PLCB4: variants seen among roughly 807,000 people sequenced by gnomAD.
PLCB4 encodes the protein phospholipase C beta 4, also known as 1-phosphatidylinositol 4,5-bisphosphate phosphodiesterase beta-4.
A neutral mutation model predicts 178.8 loss-of-function variants in PLCB4; 77 were observed. The ratio of observed to expected loss-of-function variants is 0.43; its 90% CI spans 0.36 to 0.52. The LOEUF (loss-of-function observed/expected upper bound fraction) is 0.52, where lower values mean the gene tolerates loss of function less well. Among genes scored for constraint, PLCB4 ranks in the 20% least tolerant of loss-of-function variants. The probability of loss-of-function intolerance (pLI) is 0.00; values close to 1 mark genes in which losing one functional copy is unlikely to be tolerated. For synonymous variants in PLCB4, 496 were observed against 490.8 expected (o/e 1.01, Z -0.14); for missense variants, 1,024 against 1,453.4 (o/e 0.70, Z 4.80).
At chr20:9,337,756 C>T (rs1463064663) in intron 5 of PLCB4, among the ~76,000 whole-genome samples, 2 of 151,840 alleles carry the variant, frequency 1.3e-5, no homozygotes, top group Admixed American at 6.6e-5. Context: ...ATTTTAGAAA[C>T]ATTTTTATAT....
At chr20:9,232,773 G>A (rs1350985177) in intron 3 of PLCB4, among the ~76,000 whole-genome samples, 1 of 152,058 alleles carries the variant, frequency 6.6e-6, no homozygotes, top group Non-Finnish European at 1.5e-5. Context: ...GTAAATTTTT[G>A]TGTATGCTAT....
chr20:9,320,706 C>T (rs568005698), intron 4 of PLCB4, among the ~76,000 whole-genome samples: 1 of 152,300 alleles, frequency 6.6e-6, no homozygotes, highest in Non-Finnish European at 1.5e-5. Context: ...AATGGTTAAG[C>T]ATGTTGCTTG....
At chr20:9,133,668 T>C (rs2092323677) in intron 2 of PLCB4, among the ~76,000 whole-genome samples, 1 of 152,158 alleles carries the variant, frequency 6.6e-6, no homozygotes, top group Non-Finnish European at 1.5e-5. Context: ...AAAGAATGAA[T>C]GTTTGCGTGA....
chr20:9,339,120 T>A (rs2032874306), intron 7 of PLCB4, 83 bp downstream of exon 7: 3 of 996,360 alleles, frequency 3.0e-6, no homozygotes, highest in South Asian at 1.6e-5. Flanking sequence ...TATATTTTTA[T>A]ATACTTAAAT....
chr20:9,269,820 C>T (rs1465303913), intron 3 of PLCB4, among the ~76,000 whole-genome samples: 1 of 152,124 alleles, frequency 6.6e-6, no homozygotes, highest in Non-Finnish European at 1.5e-5. Context: ...CAAGAGCACA[C>T]CCACTGTTGC....
intron 2 of PLCB4, among the ~76,000 whole-genome samples, chr20:9,107,050 A>G (rs896597731): frequency 2.0e-5 from 3 of 152,200 alleles, no homozygotes; most frequent in South Asian, 4.1e-4. Context: ...AACCATCTCC[A>G]TATGACCATC....
At chr20:9,255,952 A>G (rs771429437) in intron 3 of PLCB4, among the ~76,000 whole-genome samples, 1 of 152,006 alleles carries the variant, frequency 6.6e-6, no homozygotes, top group African/African-American at 2.4e-5. Context: ...ATATACACAC[A>G]CCATATTACC....
At chr20:9,171,812 T>A (rs1482311987) in intron 2 of PLCB4, among the ~76,000 whole-genome samples, 2 of 152,154 alleles carry the variant, frequency 1.3e-5, no homozygotes, top group Non-Finnish European at 2.9e-5. Flanking sequence ...AAGTGGAGAA[T>A]TGTGGGAAAT....
chr20:9,411,187 A>G (rs1219433651), intron 25 of PLCB4, 99 bp downstream of exon 25: 1 of 816,276 alleles, frequency 1.2e-6, no homozygotes, highest in Non-Finnish European at 2.1e-6. Context: ...TACAGAATTT[A>G]AGCTGGGTTT....
chr20:9,284,453 C>T (rs1341172140), intron 3 of PLCB4, among the ~76,000 whole-genome samples: 1 of 151,790 alleles, frequency 6.6e-6, no homozygotes, highest in Non-Finnish European at 1.5e-5. Flanking sequence ...GGTCTTACAG[C>T]GTGTTGTATA....
At chr20:9,116,341 C>T (rs1010661745) in intron 2 of PLCB4, among the ~76,000 whole-genome samples, 2 of 151,848 alleles carry the variant, frequency 1.3e-5, no homozygotes, top group Non-Finnish European at 2.9e-5. Context: ...CTTATATGTA[C>T]GTATAAGATA....
intron 3 of PLCB4, among the ~76,000 whole-genome samples, chr20:9,255,840 A>C (rs1335093827): frequency 6.6e-6 from 1 of 152,104 alleles, no homozygotes; most frequent in Non-Finnish European, 1.5e-5. Flanking sequence ...TTGCAAAAAT[A>C]GGTGGCAGGC....
intron 7 of PLCB4, among the ~76,000 whole-genome samples, chr20:9,355,899 C>T (rs1239353478): frequency 6.6e-6 from 1 of 152,202 alleles, no homozygotes; most frequent in Non-Finnish European, 1.5e-5. Flanking sequence ...TTGAACTAGT[C>T]CACAGTCCCA....
At chr20:9,086,472 C>T (rs6118479) in intron 1 of PLCB4, among the ~76,000 whole-genome samples, 74,714 of 151,794 alleles carry the variant, frequency 0.49, 18,810 homozygotes, top group Middle Eastern at 0.57. Context: ...ACCTCGTCCT[C>T]CTTATCATCA....
chr20:9,203,141 G>C (rs2093571278), intron 2 of PLCB4, among the ~76,000 whole-genome samples: 1 of 150,698 alleles, frequency 6.6e-6, no homozygotes, highest in African/African-American at 2.4e-5. Context: ...AGGCATTTGG[G>C]GGTTCTTGTA....
At chr20:9,203,777 GTTTTTTTTTTTT>G (rs553691545) in intron 2 of PLCB4, among the ~76,000 whole-genome samples, 6,369 of 101,734 alleles carry the variant, frequency 0.063, 544 homozygotes, top group African/African-American at 0.2. Flanking sequence ...TGGGAATAGT[GTTTTTTTTTTTT>G]TTTTTTTTTT....
chr20:9,264,354 A>G (rs2094328001), intron 3 of PLCB4, among the ~76,000 whole-genome samples: 1 of 152,168 alleles, frequency 6.6e-6, no homozygotes, highest in African/African-American at 2.4e-5. Context: ...GAACGCTTTA[A>G]TTATTTAGTA....
chr20:9,146,522 A>G (rs1366008491), intron 2 of PLCB4, among the ~76,000 whole-genome samples: 3 of 151,972 alleles, frequency 2.0e-5, no homozygotes, highest in African/African-American at 7.3e-5. Flanking sequence ...GTAGATAGTA[A>G]TTCATGAATT....
At chr20:9,363,966 C>G (rs561663771) in intron 8 of PLCB4, among the ~76,000 whole-genome samples, 3 of 152,196 alleles carry the variant, frequency 2.0e-5, no homozygotes, top group Non-Finnish European at 2.9e-5. Flanking sequence ...CCCGGCTTCA[C>G]CATGGCAAAT....
Sources: gnomAD v4.1 joint callset for allele counts (sites outside exome capture counted in the v4.1 genomes callset) on GRCh38, gnomAD v4.1.1 for gene constraint, MANE v1.5 for transcripts, NCBI Gene and HGNC (gene_info 2026-07-23, HGNC 2026-07-21) for gene names.